Variants in CRYBG2 observed in about 807,000 individuals in gnomAD.
CRYBG2 encodes crystallin beta-gamma domain containing 2, also known as beta/gamma crystallin domain-containing protein 2.
A neutral mutation model predicts 153.4 loss-of-function variants in CRYBG2; 106 were observed. That is an observed-to-expected ratio of 0.69 (90% CI 0.59 to 0.81). The LOEUF is 0.81. CRYBG2 is among the 30% of genes least tolerant of loss of function. CRYBG2 has a pLI of 0.00. For missense variants in CRYBG2, 1,996 were observed against 2,112.0 expected (o/e 0.95, Z 1.08); for synonymous variants, 851 against 877.8 (o/e 0.97, Z 0.54).
Position 26,337,392 on chromosome 1 carries a change from G to C in CRYBG2, c.3645-13C>G. 1 of 1,612,706 alleles carries C rather than the reference G, an allele frequency of 6.2e-7. No homozygotes were observed. Among genetic ancestry groups the C allele is most frequent in the East Asian group, 2.2e-5 (1 of 44,864 alleles). On this transcript the variant is annotated splice_polypyrimidine_tract_variant and intron_variant, in intron 9 of 19. Transcript: ENST00000308182. ...GTAGCCCACCCAGCTGGGAAAAGCA[G>C]GAGGACAGACAGGCAGGTTCAGTCA...
rs1243465442 is a variant in CRYBG2, at chr1:26,338,022, C to CT, written c.3496_3497insA (p.Gly1166GlufsTer9). On this transcript the variant is annotated frameshift_variant, in exon 8 of 20. Coordinates refer to ENST00000308182, the MANE Select transcript of CRYBG2 (RefSeq NM_001039775.4). LOFTEE classifies it high-confidence loss of function. ...AGCCCAGACTCTTACCCTGGGCTCC[C>CT]CTGGCTTCTCCACACTTGGGCAGCC... The CT allele has an allele frequency of 6.2e-7, 1 of 1,612,812 alleles. No individual in the cohort carries two copies.
intron 1 of CRYBG2, among the ~76,000 whole-genome samples, chr1:26,350,469 A>T (rs2074274477): frequency 6.6e-6 from 1 of 152,202 alleles, no homozygotes; most frequent in Non-Finnish European, 1.5e-5. Flanking sequence ...CCTCATAAAG[A>T]ATAAATTATT....
intron 1 of CRYBG2, among the ~76,000 whole-genome samples, chr1:26,352,043 G>A (rs373481058): frequency 6.6e-6 from 1 of 152,008 alleles, no homozygotes; most frequent in Non-Finnish European, 1.5e-5. Context: ...GGGAGAGGCT[G>A]AGGAGGGGGC....
Position 26,337,294 on chromosome 1 carries a change from C to T in CRYBG2, c.3730G>A (p.Gly1244Ser), listed in dbSNP as rs1055142017. 23 of 1,614,002 alleles carry T rather than the reference C, an allele frequency of 1.4e-5. No homozygotes were observed. Among genetic ancestry groups the T allele is most frequent in the Non-Finnish European group, 1.9e-5 (22 of 1,180,010 alleles). The change falls in exon 10 of 20, where the codon GGC (glycine) becomes AGC (serine). Residue 1244 changes from glycine (G) to serine (S), a missense_variant. Coordinates refer to ENST00000308182, the MANE Select transcript of CRYBG2 (RefSeq NM_001039775.4). ...AGGGAGGTCAGCAACTCGTCATAGC[C>T]TCCCCAGTGTGACCAGTCTGGGTAT... The part of the protein sequence containing the change: ...GEYPDWSHWG[G>S]YDELLTSLRV...
Position 26,345,743 on chromosome 1 carries a change from A to T in CRYBG2, c.915T>A (p.Asn305Lys). 6.3e-7 allele frequency: 1 copy of T among 1,597,294 alleles called. No individual in the cohort carries two copies. Among genetic ancestry groups the T allele is most frequent in the Non-Finnish European group, 8.5e-7 (1 of 1,179,090 alleles). Residue 305 changes from asparagine (N) to lysine (K), a missense_variant, in exon 2 of 20, where the codon AAT becomes AAA. Asn to Lys is a moderately conservative substitution (Grantham distance 94). Coordinates refer to ENST00000308182, the MANE Select transcript of CRYBG2 (RefSeq NM_001039775.4). ...GIPASAHLPK[N>K]QDAPAACPDR... Reference sequence around the variant, plus strand: ...CCGGACAGGCTGCAGGGGCATCCTGATTCTTAGGCAGGTGAGCACTGGCTG... The same window carrying T: ...CCGGACAGGCTGCAGGGGCATCCTGTTTCTTAGGCAGGTGAGCACTGGCTG...
intron 15 of CRYBG2, 100 bp from the exon 16 acceptor site, chr1:26,328,973 G>A: frequency 4.9e-6 from 7 of 1,419,460 alleles, no homozygotes; most frequent in Non-Finnish European, 6.8e-6. Flanking sequence ...CTGTATGTCA[G>A]GCCTTCTTCC....
At chr1:26,338,239 G>T (rs1289345830) in intron 7 of CRYBG2, 112 bp downstream of exon 7, 6 of 1,486,772 alleles carry the variant, frequency 4.0e-6, no homozygotes, top group Middle Eastern at 2.1e-4. Flanking sequence ...TCTCCAAGGG[G>T]TGCTGTTTTA....
chr1:26,346,309 C>A lies in CRYBG2; in HGVS notation c.349G>T (p.Ala117Ser). Residue 117 changes from alanine (A) to serine (S), a missense_variant, in exon 2 of 20, where the codon GCT becomes TCT. By Grantham distance (99) the Ala-to-Ser change is moderately conservative. Coordinates refer to ENST00000308182, the MANE Select transcript of CRYBG2 (RefSeq NM_001039775.4). The surrounding 1 kb of genome is among the most constrained non-coding windows in gnomAD (Gnocchi z 4.9). The part of the protein sequence containing the change: ...EKRPEGRLKE[A>S]VDQSDGSRQA... ...CGGCTGCCATCACTCTGGTCCACAG[C>A]CTCCTTCAGCCTCCCCTCAGGCCTT... 6.3e-7 allele frequency: 1 copy of A among 1,598,976 alleles called. No homozygotes were observed. The highest frequency in any genetic ancestry group is 2.2e-5 in the East Asian group (1 of 44,850).
At position 26,345,724 on chromosome 1, in the gene CRYBG2, AGGCTGCAGG is replaced by A; in HGVS notation, c.925_933del (p.Pro309_Ala311del). The A allele has an allele frequency of 1.3e-6, 2 of 1,597,508 alleles. No homozygotes were observed. On this transcript the variant is annotated inframe_deletion, in exon 2 of 20. Transcript: ENST00000308182. Reference sequence around the variant, plus strand: ...GCTCTGCCCTGGTCTCTGTCCGGACAGGCTGCAGGGGCATCCTGATTCTTAGGCAGGTGA... The same window carrying A: ...GCTCTGCCCTGGTCTCTGTCCGGACAGGCATCCTGATTCTTAGGCAGGTGA...
At position 26,353,135 on chromosome 1, in the gene CRYBG2, C is replaced by T. The variant is rs115499627; in HGVS notation, c.-56+901G>A. On this transcript the variant is annotated intron_variant, in intron 1 of 19. Transcript: ENST00000308182. ...TAGAAACCTAAGTTCAGATTCTAGC[C>T]CCTTCACTTTCTAGTTGACTTTGAG... Among the ~76,000 whole-genome samples, 611 of 152,262 alleles carry T rather than the reference C, an allele frequency of 4.0e-3. 5 individuals are homozygous for T. The highest frequency in any genetic ancestry group is 0.014 in the African/African-American group (584 of 41,542).
intron 17 of CRYBG2, 96 bp from the exon 18 acceptor site, chr1:26,324,406 C>T: frequency 1.5e-6 from 2 of 1,331,074 alleles, no homozygotes; most frequent in South Asian, 1.5e-5. Flanking sequence ...ATCAGGCTCC[C>T]AAGCCCTCCC....
Position 26,338,266 on chromosome 1 carries a change from C to T in CRYBG2, c.3471+85G>A, listed in dbSNP as rs1486397420. 7 of 1,521,758 alleles carry T rather than the reference C, an allele frequency of 4.6e-6. No homozygotes were observed. In the African/African-American group the frequency reaches 6.9e-5, roughly 15 times the overall value. 94.3% of individuals were successfully genotyped at this position (1,521,758 alleles called of 1,614,324 possible). A position where few individuals can be genotyped will look rare whatever the true frequency, so the allele number is the denominator to read the frequency against. ...GCTGTTTTACACTTCATCCCCCATC[C>T]CTTCCCACAGACTGCAGGACCAGCT... is the stretch of plus-strand genomic sequence containing the variant. On this transcript the variant is annotated intron_variant, in intron 7 of 19. Transcript: ENST00000308182.
intron 1 of CRYBG2, among the ~76,000 whole-genome samples, chr1:26,349,098 G>A (rs1336603831): frequency 6.6e-6 from 1 of 151,900 alleles, no homozygotes; most frequent in Non-Finnish European, 1.5e-5. Context: ...GAACCTGGGG[G>A]GCGGAGGTTG....
intron 5 of CRYBG2, among the ~76,000 whole-genome samples, chr1:26,340,173 T>C (rs1362966472): frequency 1.3e-5 from 2 of 152,224 alleles, no homozygotes; most frequent in Non-Finnish European, 2.9e-5. Context: ...CTTTGTATTC[T>C]GAGTGTTTCT....
rs769423020 is a variant in CRYBG2, at chr1:26,345,847, C to G, written c.811G>C (p.Gly271Arg). The part of the protein sequence containing the change: ...PRSTGLGSTV[G>R]AALRQLPETG... ...TCAGGCAGCTGCCTCAAGGCTGCCC[C>G]CACTGTGCTGCCCAGACCTGTGCTC... Residue 271 changes from glycine (G) to arginine (R), a missense_variant, in exon 2 of 20, where the codon GGG (glycine) becomes CGG (arginine). Physicochemically the swap from Gly to Arg is moderately radical, Grantham distance 125 (BLOSUM62 -2). Transcript: ENST00000308182. 1.3e-6 allele frequency: 2 copies of G among 1,596,850 alleles called. No homozygotes were observed. Among genetic ancestry groups the G allele is most frequent in the African/African-American group, 1.3e-5 (1 of 75,058 alleles).
At position 26,345,565 on chromosome 1, in the gene CRYBG2, C is replaced by T. The variant is rs779956723; in HGVS notation, c.1093G>A (p.Gly365Ser). 1.0e-5 allele frequency: 16 copies of T among 1,605,340 alleles called. No individual in the cohort carries two copies. The South Asian group carries it at 1.8e-4, about 18-fold the overall frequency. Residue 365 changes from glycine (G) to serine (S), a missense_variant, in exon 2 of 20, where the codon GGC becomes AGC. Transcript: ENST00000308182. ...GGCTGCTTTGCAGGGTGAGTTAGGC[C>T]AGGAGAGGGGACATGGGTCTCGAGT... ...PRLETHVPSP[G>S]LTHPAKQPVV...
intron 5 of CRYBG2, among the ~76,000 whole-genome samples, chr1:26,342,390 C>T (rs185022847): frequency 6.6e-6 from 1 of 152,228 alleles, no homozygotes; most frequent in East Asian, 1.9e-4. Flanking sequence ...CCCACTACCC[C>T]ATAAGATCTC....
At chr1:26,334,700 G>A (rs765490582) in intron 14 of CRYBG2, among the ~76,000 whole-genome samples, 5 of 151,936 alleles carry the variant, frequency 3.3e-5, no homozygotes, top group Non-Finnish European at 7.4e-5. Context: ...CGAGGGGGGC[G>A]GATCATGAGG....
intron 15 of CRYBG2, 83 bp downstream of exon 15, chr1:26,331,406 C>T (rs2073994898): frequency 1.9e-6 from 3 of 1,553,682 alleles, no homozygotes; most frequent in Non-Finnish European, 1.8e-6. Context: ...ACCCCTGCAC[C>T]AGCACACAGG....
Sources: allele counts gnomAD v4.1 joint callset (sites outside exome capture counted in the v4.1 genomes callset), GRCh38; gene constraint gnomAD v4.1.1; non-coding constraint Gnocchi (gnomAD v3.1); transcripts MANE v1.5; gene names NCBI Gene and HGNC (gene_info 2026-07-23, HGNC 2026-07-21).